PTPRT: variants seen among roughly 807,000 people sequenced by gnomAD.
The protein encoded by PTPRT is receptor-type tyrosine-protein phosphatase T.
In PTPRT, 56 loss-of-function variants were observed where a neutral mutation model predicts 176.8. The observed-to-expected ratio is 0.32, with a 90% CI of 0.26 to 0.40. The LOEUF (loss-of-function observed/expected upper bound fraction) is 0.40, where lower values mean the gene tolerates loss of function less well. Among genes scored for constraint, PTPRT ranks in the 10% least tolerant of loss-of-function variants. The pLI, the probability that PTPRT is intolerant of heterozygous loss-of-function variation, is 1.00. For synonymous variants in PTPRT, 783 were observed against 739.0 expected (o/e 1.06, Z -0.96); for missense variants, 1,540 against 1,908.2 (o/e 0.81, Z 3.60).
intron 1 of PTPRT, among the ~76,000 whole-genome samples, chr20:42,956,573 T>A (rs979674365): frequency 1.2e-4 from 18 of 152,050 alleles, no homozygotes; most frequent in Admixed American, 2.6e-4. Flanking sequence ...CAGGAGCCAA[T>A]TAAATCTCTC....
In PTPRT at chr20:42,104,759, A is replaced by G. The variant is rs764074700; in HGVS notation, c.3391-41T>C. On this transcript the variant is annotated intron_variant, in intron 24 of 30. Transcript: ENST00000373187. ...AGAGGGAATGGGGTGCCAGGTAAGA[A>G]CAGTGGCCTGGGAATTAGCTGTCCA... 5 of 1,521,652 alleles carry G rather than the reference A, an allele frequency of 3.3e-6. No individual in the cohort carries two copies. In the Admixed American group the frequency reaches 5.0e-5, roughly 15 times the overall value. The allele number at this position is 1,521,652 out of a possible 1,614,324, so 94.3% of individuals were successfully genotyped here.
intron 1 of PTPRT, among the ~76,000 whole-genome samples, chr20:43,127,584 C>A (rs573961381): frequency 6.6e-6 from 1 of 152,260 alleles, no homozygotes; most frequent in East Asian, 1.9e-4. Context: ...GCCACAAACA[C>A]CAGCCAGAAA....
chr20:42,979,493 T>A lies in PTPRT; in HGVS notation c.89-93561A>T, dbSNP rs1301623298. Among the ~76,000 whole-genome samples, 4 of 152,320 alleles carry A rather than the reference T, an allele frequency of 2.6e-5. No individual in the cohort carries two copies. The East Asian group carries it at 5.8e-4, about 22-fold the overall frequency. The stretch of plus-strand genomic sequence containing the variant: ...CACATTCACCTATATTTTTGTAGAC[T>A]TTGTTCTTTCTACTGCACGCTGTGC... On this transcript the variant is annotated intron_variant, in intron 1 of 30. Coordinates refer to ENST00000373187, the MANE Select transcript of PTPRT (RefSeq NM_007050.6).
chr20:42,719,321 T>C (rs2076272658), intron 6 of PTPRT, among the ~76,000 whole-genome samples: 1 of 152,164 alleles, frequency 6.6e-6, no homozygotes, highest in Non-Finnish European at 1.5e-5. Context: ...TAGCCAGCAC[T>C]CTGGGGAACA....
intron 7 of PTPRT, among the ~76,000 whole-genome samples, chr20:42,676,722 C>G (rs1212524548): frequency 6.6e-6 from 1 of 152,102 alleles, no homozygotes; most frequent in Non-Finnish European, 1.5e-5. Flanking sequence ...TAAGTACTTA[C>G]AGCAAAAGTT....
chr20:42,386,945 C>G (rs2058750838), intron 9 of PTPRT, among the ~76,000 whole-genome samples: 2 of 152,184 alleles, frequency 1.3e-5, no homozygotes, highest in South Asian at 4.1e-4. Flanking sequence ...ATCACAAGAT[C>G]ATATAGCTGA....
At chr20:42,970,423 C>T (rs1175276657) in intron 1 of PTPRT, among the ~76,000 whole-genome samples, 1 of 152,126 alleles carries the variant, frequency 6.6e-6, no homozygotes, top group Admixed American at 6.5e-5. Flanking sequence ...CACATTTTCT[C>T]ACACTACAGT....
intron 26 of PTPRT, 136 bp downstream of exon 26, chr20:42,101,988 T>A: frequency 1.4e-5 from 14 of 1,025,282 alleles, no homozygotes; most frequent in Non-Finnish European, 2.0e-5. Flanking sequence ...GGAACAAAGG[T>A]CCTTGGGACT....
At chr20:42,704,958 C>A (rs891297585) in intron 6 of PTPRT, among the ~76,000 whole-genome samples, 2 of 152,068 alleles carry the variant, frequency 1.3e-5, no homozygotes, top group African/African-American at 4.8e-5. Flanking sequence ...GTAATCCCAG[C>A]ACTTTGGGAG....
chr20:43,138,067 G>A (rs1335337551), intron 1 of PTPRT, among the ~76,000 whole-genome samples: 1 of 152,196 alleles, frequency 6.6e-6, no homozygotes, highest in Non-Finnish European at 1.5e-5. Context: ...GCTGACCTCT[G>A]TTGTGAGGAT....
At chr20:43,109,997 G>C (rs1490086572) in intron 1 of PTPRT, among the ~76,000 whole-genome samples, 1 of 152,188 alleles carries the variant, frequency 6.6e-6, no homozygotes, top group Non-Finnish European at 1.5e-5. Flanking sequence ...GAAGTTATTG[G>C]AGGGTATCTT....
At chr20:42,710,099 T>C (rs1032867128) in intron 6 of PTPRT, among the ~76,000 whole-genome samples, 3 of 152,124 alleles carry the variant, frequency 2.0e-5, no homozygotes, top group South Asian at 4.1e-4. Flanking sequence ...TCAGAACTTA[T>C]AATTAAAAGA....
intron 13 of PTPRT, among the ~76,000 whole-genome samples, chr20:42,265,490 A>G (rs1240331359): frequency 1.3e-5 from 2 of 152,180 alleles, no homozygotes; most frequent in Non-Finnish European, 2.9e-5. Context: ...ACTTGCTGTT[A>G]TATTTTTCTT....
At chr20:42,161,776 G>T (rs1432697277) in intron 16 of PTPRT, among the ~76,000 whole-genome samples, 1 of 152,196 alleles carries the variant, frequency 6.6e-6, no homozygotes, top group Non-Finnish European at 1.5e-5. Flanking sequence ...CAAGGGCACA[G>T]ACTGATAAAG....
chr20:42,629,521 C>T (rs2074364186), intron 7 of PTPRT, among the ~76,000 whole-genome samples: 1 of 152,136 alleles, frequency 6.6e-6, no homozygotes, highest in Non-Finnish European at 1.5e-5. Context: ...AACACATTTT[C>T]CTACCATAAT....
At chr20:43,113,705 C>T (rs2012951433) in intron 1 of PTPRT, among the ~76,000 whole-genome samples, 1 of 152,128 alleles carries the variant, frequency 6.6e-6, no homozygotes, top group Non-Finnish European at 1.5e-5. Flanking sequence ...CTTAAAACTC[C>T]CAGTGGAAAG....
chr20:42,412,076 T>C (rs143732688), intron 9 of PTPRT, among the ~76,000 whole-genome samples: 4 of 152,250 alleles, frequency 2.6e-5, no homozygotes, highest in African/African-American at 9.6e-5. Context: ...TTCATTGAAA[T>C]TAAAAACTCC....
At chr20:42,830,263 C>A (rs1462415645) in intron 2 of PTPRT, among the ~76,000 whole-genome samples, 6 of 152,190 alleles carry the variant, frequency 3.9e-5, no homozygotes, top group Non-Finnish European at 1.5e-5. Context: ...AAGTTGGCTT[C>A]ATTGCAAGGA....
chr20:42,473,866 G>C (rs763187670), intron 7 of PTPRT, among the ~76,000 whole-genome samples: 13 of 152,120 alleles, frequency 8.5e-5, no homozygotes, highest in Admixed American at 1.3e-4. Context: ...TATCTGGGAG[G>C]AGTCAGGCAC....
Sources: gnomAD v4.1 joint callset for allele counts (sites outside exome capture counted in the v4.1 genomes callset) on GRCh38, gnomAD v4.1.1 for gene constraint, MANE v1.5 for transcripts, NCBI Gene and HGNC (gene_info 2026-07-23, HGNC 2026-07-21) for gene names.